CMIP: variants seen among roughly 807,000 people sequenced by gnomAD.
CMIP encodes C-Maf-inducing protein.
In CMIP, 13 loss-of-function variants were observed where a neutral mutation model predicts 97.3. That is an observed-to-expected ratio of 0.13 (90% CI 0.09 to 0.21). The LOEUF is 0.21. CMIP is among the 10% of genes least tolerant of loss of function. The pLI, the probability that CMIP is intolerant of heterozygous loss-of-function variation, is 1.00. For synonymous variants in CMIP, 538 were observed against 436.3 expected (o/e 1.23, Z -2.91); for missense variants, 847 against 1,024.9 (o/e 0.83, Z 2.37).
chr16:81,639,392 G>A (rs2092276587), intron 3 of CMIP, among the ~76,000 whole-genome samples: 2 of 152,142 alleles, frequency 1.3e-5, no homozygotes, highest in Admixed American at 1.3e-4. Context: ...CTTCCCAAAT[G>A]GAAACTCTGT....
chr16:81,486,368 G>T (rs1312191257), intron 1 of CMIP, among the ~76,000 whole-genome samples: 1 of 152,172 alleles, frequency 6.6e-6, no homozygotes, highest in Admixed American at 6.5e-5. Context: ...ATATGATCGC[G>T]CCCATTTGAC....
intron 1 of CMIP, among the ~76,000 whole-genome samples, chr16:81,548,817 G>T (rs936752689): frequency 6.6e-6 from 1 of 152,316 alleles, no homozygotes; most frequent in South Asian, 2.1e-4. Context: ...CTGCACTCCA[G>T]CCTGGGTGAC....
chr16:81,625,351 C>T (rs990625544), intron 3 of CMIP, among the ~76,000 whole-genome samples: 1 of 152,270 alleles, frequency 6.6e-6, no homozygotes, highest in African/African-American at 2.4e-5. Flanking sequence ...GGCTAATTCC[C>T]AGGGGTGTGG....
rs1908554488 is a variant in CMIP, at chr16:81,709,750, A to G, written c.2273A>G (p.Lys758Arg). The G allele has an allele frequency of 6.2e-7, 1 of 1,613,936 alleles. No homozygotes were observed. The highest frequency in any genetic ancestry group is 2.2e-5 in the East Asian group (1 of 44,884). ...SADTYEDLKA[K>R]LPNLKEVDVR... ...GACTCTTATTGCCACCCCCAGGCCA[A>G]GCTTCCCAATTTGAAGGAAGTGGAC... Residue 758 changes from lysine to arginine, a missense_variant, in exon 21 of 21, where the codon AAG (lysine) becomes AGG (arginine). Physicochemically the swap from Lys to Arg is conservative, Grantham distance 26. Coordinates refer to ENST00000537098, the MANE Select transcript of CMIP (RefSeq NM_198390.3).
chr16:81,653,961 C>T (rs1375363111), intron 4 of CMIP, among the ~76,000 whole-genome samples: 1 of 152,100 alleles, frequency 6.6e-6, no homozygotes, highest in Non-Finnish European at 1.5e-5. Context: ...AAATTGAGGC[C>T]CAGTGATACT....
chr16:81,646,809 A>G (rs565813433), intron 3 of CMIP, among the ~76,000 whole-genome samples: 112 of 152,160 alleles, frequency 7.4e-4, no homozygotes, highest in Non-Finnish European at 1.0e-3. Context: ...GGGTAATTCA[A>G]TCCTTTTTAT....
chr16:81,457,123 A>G (rs1289687946), intron 1 of CMIP, among the ~76,000 whole-genome samples: 1 of 151,726 alleles, frequency 6.6e-6, no homozygotes, highest in Non-Finnish European at 1.5e-5. Context: ...CAGCTTCCCC[A>G]TGCCTCTGAC....
intron 1 of CMIP, among the ~76,000 whole-genome samples, chr16:81,488,225 C>T (rs989712428): frequency 1.3e-5 from 2 of 151,964 alleles, no homozygotes; most frequent in Non-Finnish European, 2.9e-5. Context: ...GAGAGTGCGA[C>T]CGTAGGGGGT....
At chr16:81,673,128 A>G (rs1462652769) in intron 9 of CMIP, among the ~76,000 whole-genome samples, 4 of 152,228 alleles carry the variant, frequency 2.6e-5, no homozygotes, top group Non-Finnish European at 5.9e-5. Context: ...GGAAACTCCA[A>G]GACCAGGATT....
chr16:81,696,690 G>T (rs753329094), intron 14 of CMIP, 23 bp downstream of exon 14: 18 of 1,598,126 alleles, frequency 1.1e-5, no homozygotes, highest in Admixed American at 1.7e-5. Flanking sequence ...ACCCCAGTGG[G>T]GTGACTTCCA....
At chr16:81,694,768 C>T (rs1297404903) in intron 13 of CMIP, among the ~76,000 whole-genome samples, 1 of 152,144 alleles carries the variant, frequency 6.6e-6, no homozygotes, top group Non-Finnish European at 1.5e-5. Flanking sequence ...GGTCTCCAGG[C>T]CACACTGAAA....
At chr16:81,618,869 T>C (rs2091956521) in intron 2 of CMIP, 1 of 152,190 alleles carries the variant, frequency 6.6e-6, no homozygotes, top group African/African-American at 2.4e-5. Context: ...ATGGATTAGC[T>C]CATTGTTTGG....
intron 1 of CMIP, among the ~76,000 whole-genome samples, chr16:81,512,471 C>T (rs1452250846): frequency 1.3e-5 from 2 of 152,196 alleles, no homozygotes; most frequent in Non-Finnish European, 2.9e-5. Flanking sequence ...CTCTACCTTT[C>T]CTTCCTCATT....
In CMIP at chr16:81,459,026, G is replaced by GTCACCATCACCA. The variant is rs369719054; in HGVS notation, c.300+13508_300+13519dup. Among the ~76,000 whole-genome samples, 153 of 130,986 alleles carry GTCACCATCACCA rather than the reference G, an allele frequency of 1.2e-3. 1 individual carries two copies. The highest frequency in any genetic ancestry group is 1.0e-3 in the Non-Finnish European group (56 of 56,132). The allele number at this position is 130,986 out of a possible 152,430, so 85.9% of individuals were successfully genotyped here. Reference sequence around the variant, plus strand: ...CATCACCGTCACCGTCACCATCACTGTCACCATCACCATCACCATCACCAT... The same window carrying GTCACCATCACCA: ...CATCACCGTCACCGTCACCATCACTGTCACCATCACCATCACCATCACCATCACCATCACCAT... On this transcript the variant is annotated intron_variant, in intron 1 of 20. Coordinates refer to ENST00000537098, the MANE Select transcript of CMIP (RefSeq NM_198390.3).
At chr16:81,700,067 C>G (rs1273100269) in intron 15 of CMIP, among the ~76,000 whole-genome samples, 4 of 152,196 alleles carry the variant, frequency 2.6e-5, no homozygotes, top group Admixed American at 6.5e-5. Context: ...AACAAACCAC[C>G]TCTAAGTGAG....
At position 81,620,782 on chromosome 16, in the gene CMIP, G is replaced by A. The variant is rs1003722601; in HGVS notation, c.427-94G>A. 1.3e-5 allele frequency: 19 copies of A among 1,447,408 alleles called. No homozygotes were observed. The African/African-American group carries it at 2.7e-4, about 20-fold the overall frequency. The allele number at this position is 1,447,408 out of a possible 1,614,324, so 89.7% of individuals were successfully genotyped here. On this transcript the variant is annotated intron_variant, in intron 2 of 20. Transcript: ENST00000537098. ...GGTCACAGGGCAGACGCTGTCTACA[G>A]AGCAGGCTTGGGGGCTCACATGCTG... is the stretch of plus-strand genomic sequence containing the variant.
At chr16:81,479,702 A>G (rs553011177) in intron 1 of CMIP, among the ~76,000 whole-genome samples, 1 of 152,328 alleles carries the variant, frequency 6.6e-6, no homozygotes, top group Admixed American at 6.5e-5. Flanking sequence ...TGAAGAATTC[A>G]GTGATATTTA....
At chr16:81,545,890 A>G (rs1298377952) in intron 1 of CMIP, among the ~76,000 whole-genome samples, 1 of 152,124 alleles carries the variant, frequency 6.6e-6, no homozygotes, top group Non-Finnish European at 1.5e-5. Context: ...CATGCCTGTA[A>G]GAGAATTGCT....
chr16:81,600,805 C>G (rs1356295273), intron 1 of CMIP, among the ~76,000 whole-genome samples: 2 of 152,186 alleles, frequency 1.3e-5, no homozygotes, highest in African/African-American at 4.8e-5. Flanking sequence ...GCCCATTCTC[C>G]CAGCGCAAGC....
Sources: allele counts gnomAD v4.1 joint callset (sites outside exome capture counted in the v4.1 genomes callset), GRCh38; gene constraint gnomAD v4.1.1; transcripts MANE v1.5; gene names NCBI Gene and HGNC (gene_info 2026-07-23, HGNC 2026-07-21).